Variants in OPTN observed in about 807,000 individuals in gnomAD.
OPTN encodes optineurin, also known as E3-14.7K-interacting protein.
OPTN carries 54 observed loss-of-function variants against 70.4 expected under a neutral mutation model. The observed-to-expected ratio is 0.77, with a 90% CI of 0.62 to 0.96. OPTN has a LOEUF of 0.96. Among genes scored for constraint, OPTN ranks in the 40% least tolerant of loss-of-function variants. OPTN has a pLI of 0.00. For missense variants in OPTN, 624 were observed against 673.2 expected, an observed-to-expected ratio of 0.93 and a Z score of 0.81; for synonymous variants, 256 against 248.5, an observed-to-expected ratio of 1.03 and a Z score of -0.28.
chr10:13,103,500 C>A (rs897189614), intron 1 of OPTN, among the ~76,000 whole-genome samples: 10 of 152,116 alleles, frequency 6.6e-5, no homozygotes, highest in African/African-American at 2.4e-4. Flanking sequence ...TAGAGCCATC[C>A]CACAGTGGAA....
chr10:13,119,981 CTT>C lies in OPTN; in HGVS notation c.779+959_779+960del, dbSNP rs35284693. On this transcript the variant is annotated intron_variant, in intron 7 of 14. Transcript: ENST00000378747. ...TATATGATCTGCAACTATTTTCTTT[CTT>C]TTTTTTTTTTTTTTTTTGAGACGGA... Among the ~76,000 whole-genome samples, 765 of 117,622 alleles carry C rather than the reference CTT, an allele frequency of 6.5e-3. 3 individuals are homozygous for C. The highest frequency in any genetic ancestry group is 0.039 in the East Asian group (161 of 4,120). 77.2% of individuals were successfully genotyped at this position (117,622 alleles called of 152,430 possible).
intron 14 of OPTN, among the ~76,000 whole-genome samples, chr10:13,134,535 C>T (rs1196665446): frequency 1.3e-5 from 2 of 152,184 alleles, no homozygotes; most frequent in African/African-American, 4.8e-5. Flanking sequence ...CGGGTTCAAG[C>T]GATTCTCCTG....
Position 13,112,447 on chromosome 10 carries a change from C to G in OPTN, c.370-6C>G. Reference sequence around the variant, plus strand: ...GTTCATTCACTTTACTCCTTGTCATCTCCAGGACCCCACTGATGACTCCAG... The same window carrying G: ...GTTCATTCACTTTACTCCTTGTCATGTCCAGGACCCCACTGATGACTCCAG... On this transcript the variant is annotated splice_region_variant and splice_polypyrimidine_tract_variant and intron_variant, in intron 4 of 14. Transcript: ENST00000378747. The G allele has an allele frequency of 6.2e-7, 1 of 1,613,922 alleles. No homozygotes were observed. Among genetic ancestry groups the G allele is most frequent in the Non-Finnish European group, 8.5e-7 (1 of 1,179,922 alleles).
At chr10:13,109,348 C>G in intron 3 of OPTN, 60 bp downstream of exon 3, 1 of 1,567,918 alleles carries the variant, frequency 6.4e-7, no homozygotes, top group East Asian at 2.2e-5. Context: ...AATGCCATCC[C>G]TTTGCACTAA....
At chr10:13,131,954 T>C in intron 12 of OPTN, 113 bp from the exon 13 acceptor site, 1 of 1,020,644 alleles carries the variant, frequency 9.8e-7, no homozygotes, top group Non-Finnish European at 1.5e-6. Flanking sequence ...ATTGTGCATC[T>C]GTGATTCACA....
chr10:13,104,729 C>A, intron 1 of OPTN: 1 of 682,442 alleles, frequency 1.5e-6, no homozygotes. Context: ...GACGTGTCTG[C>A]CACCATTTAA....
intron 13 of OPTN, among the ~76,000 whole-genome samples, chr10:13,132,695 C>T (rs1299031478): frequency 1.3e-5 from 2 of 152,020 alleles, no homozygotes; most frequent in African/African-American, 2.4e-5. Context: ...AATAATGTTA[C>T]GTGTCCCAAT....
At chr10:13,116,880 A>T (rs1833220607) in intron 6 of OPTN, among the ~76,000 whole-genome samples, 1 of 152,092 alleles carries the variant, frequency 6.6e-6, no homozygotes, top group African/African-American at 2.4e-5. Context: ...TACCTGTCCT[A>T]TGTAGATGTG....
At chr10:13,126,811 T>G (rs901212859) in intron 11 of OPTN, among the ~76,000 whole-genome samples, 24 of 152,144 alleles carry the variant, frequency 1.6e-4, no homozygotes, top group African/African-American at 5.8e-4. Flanking sequence ...GAGGATCATT[T>G]GAACCCAGGA....
intron 8 of OPTN, chr10:13,123,159 A>T (rs1833387613): frequency 6.5e-6 from 1 of 154,650 alleles, no homozygotes; most frequent in Non-Finnish European, 1.4e-5. Flanking sequence ...TTTGGGTTCT[A>T]TCCCATTACT....
chr10:13,110,041 A>ACTGTCTC (rs1832961922), intron 3 of OPTN: 1 of 631,870 alleles, frequency 1.6e-6, no homozygotes, highest in African/African-American at 1.8e-5. Context: ...GGCGGTACCC[A>ACTGTCTC]AATCCACTTT....
intron 4 of OPTN, 74 bp downstream of exon 4, chr10:13,110,550 A>G: frequency 7.2e-7 from 1 of 1,394,654 alleles, no homozygotes; most frequent in Non-Finnish European, 1.0e-6. Flanking sequence ...TTACGTGTCT[A>G]GACTCCTAGA....
intron 5 of OPTN, among the ~76,000 whole-genome samples, chr10:13,114,794 T>TTG (rs1564358722): frequency 5.0e-4 from 48 of 95,900 alleles, no homozygotes; most frequent in Non-Finnish European, 8.0e-4. Flanking sequence ...AATTATATAA[T>TTG]TATATATACA....
Position 13,132,203 on chromosome 10 carries a change from GA to G in OPTN, c.1532+10del. The G allele has an allele frequency of 6.2e-7, 1 of 1,611,664 alleles. No individual in the cohort carries two copies. The highest frequency in any genetic ancestry group is 8.5e-7 in the Non-Finnish European group (1 of 1,178,396). On this transcript the variant is annotated splice_region_variant and intron_variant, in intron 13 of 14. Transcript: ENST00000378747. ...GCTTTCGAAGACGGAGGCAGGTAAG[GA>G]AAAGAGAGAGGAGGACCCAGAGCTC... is the stretch of plus-strand genomic sequence containing the variant.
At chr10:13,117,525 A>G (rs1391104426) in intron 6 of OPTN, among the ~76,000 whole-genome samples, 4 of 140,586 alleles carry the variant, frequency 2.8e-5, no homozygotes, top group Non-Finnish European at 4.5e-5. Context: ...AGCTCACTGC[A>G]ACGTCTGCCT....
intron 6 of OPTN, chr10:13,116,632 A>G: frequency 2.1e-6 from 1 of 465,976 alleles, no homozygotes; most frequent in Non-Finnish European, 4.0e-6. Context: ...CAAGTCAATG[A>G]TTTGTTCCTA....
rs565088342 is a variant in OPTN, at chr10:13,102,904, C to G, written c.-164+2602C>G. 3.3e-5 allele frequency among the ~76,000 whole-genome samples: 5 copies of G among 151,226 alleles called. No homozygotes were observed. In the East Asian group the frequency reaches 9.7e-4, roughly 29 times the overall value. On this transcript the variant is annotated intron_variant, in intron 1 of 14. Coordinates refer to ENST00000378747, the MANE Select transcript of OPTN (RefSeq NM_001008212.2). ...GTTGCAGTGAGCTGAGATTTTGCCACGGCACTCTAGCCTGGGCGACAGAGT... is the reference window on the plus strand; with the variant it reads ...GTTGCAGTGAGCTGAGATTTTGCCAGGGCACTCTAGCCTGGGCGACAGAGT...
chr10:13,128,694 C>T (rs1260030306), intron 12 of OPTN, among the ~76,000 whole-genome samples: 1 of 151,278 alleles, frequency 6.6e-6, no homozygotes, highest in Non-Finnish European at 1.5e-5. Context: ...AGGCATGTGC[C>T]AACATGCCTG....
At chr10:13,115,113 T>TTA (rs796205874) in intron 5 of OPTN, among the ~76,000 whole-genome samples, 7 of 89,866 alleles carry the variant, frequency 7.8e-5, no homozygotes, top group East Asian at 3.5e-4. Flanking sequence ...TTTATATATA[T>TTA]TATATATATA....
Sources: allele counts gnomAD v4.1 joint callset (sites outside exome capture counted in the v4.1 genomes callset), GRCh38; gene constraint gnomAD v4.1.1; transcripts MANE v1.5; gene names NCBI Gene and HGNC (gene_info 2026-07-23, HGNC 2026-07-21).